Variants in RALYL observed in about 807,000 individuals in gnomAD.
RALYL encodes RALY RNA binding protein like.
RALYL carries 29 observed loss-of-function variants against 35.1 expected under a neutral mutation model. The ratio of observed to expected loss-of-function variants is 0.83; its 90% CI spans 0.61 to 1.13. The LOEUF (loss-of-function observed/expected upper bound fraction) is 1.13, where lower values mean the gene tolerates loss of function less well. Among genes scored for constraint, RALYL ranks in the 50% most tolerant of loss-of-function variants. The pLI, the probability that RALYL is intolerant of heterozygous loss-of-function variation, is 0.00. For missense variants in RALYL, 359 were observed against 360.4 expected (o/e 1.00, Z 0.03); for synonymous variants, 120 against 127.6 (o/e 0.94, Z 0.40).
intron 1 of RALYL, among the ~76,000 whole-genome samples, chr8:84,416,205 T>G (rs2044678888): frequency 6.6e-6 from 1 of 152,218 alleles, no homozygotes; most frequent in South Asian, 2.1e-4. Flanking sequence ...CCAGATGCAA[T>G]TCTAAAAGCT....
intron 2 of RALYL, chr8:84,679,594 C>A: frequency 2.2e-6 from 1 of 453,702 alleles, no homozygotes. Flanking sequence ...CCTGCCTTAT[C>A]TTCTTTGATG....
At chr8:84,405,471 TAAAG>T (rs1481609103) in intron 1 of RALYL, among the ~76,000 whole-genome samples, 1 of 151,114 alleles carries the variant, frequency 6.6e-6, no homozygotes, top group African/African-American at 2.4e-5. Flanking sequence ...GCCAGACTAA[TAAAG>T]AAGAAAAGAG....
intron 2 of RALYL, among the ~76,000 whole-genome samples, chr8:84,569,075 T>G (rs535817930): frequency 5.9e-4 from 90 of 151,300 alleles, no homozygotes; most frequent in African/African-American, 1.1e-3. Context: ...GTCAGTTTTG[T>G]CTTTTGTTGC....
At chr8:84,459,456 A>G (rs550613905) in intron 1 of RALYL, among the ~76,000 whole-genome samples, 7 of 151,934 alleles carry the variant, frequency 4.6e-5, no homozygotes, top group African/African-American at 1.7e-4. Flanking sequence ...TAAAATGGGG[A>G]GGCAACTGGG....
At chr8:84,740,311 T>G in intron 2 of RALYL, among the ~76,000 whole-genome samples, 1 of 151,350 alleles carries the variant, frequency 6.6e-6, no homozygotes, top group Non-Finnish European at 1.5e-5. Flanking sequence ...TGCTGAGAAA[T>G]GAGGAAAAAA....
At chr8:84,658,743 T>G (rs1327738984) in intron 2 of RALYL, among the ~76,000 whole-genome samples, 1 of 152,054 alleles carries the variant, frequency 6.6e-6, no homozygotes, top group Non-Finnish European at 1.5e-5. Context: ...GAAAAACCCA[T>G]GTTGATACTC....
At chr8:84,548,654 A>G (rs989628735) in intron 2 of RALYL, among the ~76,000 whole-genome samples, 2 of 152,158 alleles carry the variant, frequency 1.3e-5, no homozygotes, top group Non-Finnish European at 2.9e-5. Context: ...GGCAGAATAG[A>G]TTTTCTAGCT....
At chr8:84,652,840 T>C (rs1479804104) in intron 2 of RALYL, among the ~76,000 whole-genome samples, 1 of 152,088 alleles carries the variant, frequency 6.6e-6, no homozygotes, top group African/African-American at 2.4e-5. Flanking sequence ...TTCTGAAATG[T>C]CTCATTTGGA....
chr8:84,704,477 ACAC>A (rs200742851), intron 2 of RALYL, among the ~76,000 whole-genome samples: 181 of 133,228 alleles, frequency 1.4e-3, no homozygotes, highest in Middle Eastern at 3.7e-3. Context: ...ACACACACAC[ACAC>A]ACAACAACTC....
intron 1 of RALYL, among the ~76,000 whole-genome samples, chr8:84,190,258 A>C (rs1248573441): frequency 6.6e-6 from 1 of 152,204 alleles, no homozygotes; most frequent in African/African-American, 2.4e-5. Flanking sequence ...TCACAATTTT[A>C]CTGTTACACA....
intron 2 of RALYL, among the ~76,000 whole-genome samples, chr8:84,684,654 A>G (rs1339305152): frequency 6.6e-6 from 1 of 152,212 alleles, no homozygotes; most frequent in Non-Finnish European, 1.5e-5. Flanking sequence ...TGAGGCTGGA[A>G]AGGTATGCAG....
At chr8:84,682,426 T>C (rs758080590) in intron 2 of RALYL, among the ~76,000 whole-genome samples, 10 of 152,214 alleles carry the variant, frequency 6.6e-5, no homozygotes, top group Non-Finnish European at 1.2e-4. Context: ...TACTAGCTTT[T>C]CCTTTTACCT....
chr8:84,270,370 A>G (rs1834066698), intron 1 of RALYL, among the ~76,000 whole-genome samples: 1 of 152,178 alleles, frequency 6.6e-6, no homozygotes, highest in Non-Finnish European at 1.5e-5. Context: ...ACACAAGACA[A>G]AGGCAAATAT....
chr8:84,198,512 A>G (rs1480469831), intron 1 of RALYL, among the ~76,000 whole-genome samples: 1 of 152,220 alleles, frequency 6.6e-6, no homozygotes, highest in Non-Finnish European at 1.5e-5. Flanking sequence ...TGTTACAAAC[A>G]ATCCAATGAT....
At chr8:84,592,152 C>A (rs1813444260) in intron 2 of RALYL, among the ~76,000 whole-genome samples, 1 of 152,088 alleles carries the variant, frequency 6.6e-6, no homozygotes, top group African/African-American at 2.4e-5. Flanking sequence ...CCATAAAACC[C>A]AATTTCCAAA....
chr8:84,704,271 A>C lies in RALYL; in HGVS notation c.257-70308A>C, dbSNP rs1232002971. Among the ~76,000 whole-genome samples, 5 of 152,204 alleles carry C rather than the reference A, an allele frequency of 3.3e-5. No individual in the cohort carries two copies. The East Asian group carries it at 9.7e-4, about 29-fold the overall frequency. On this transcript the variant is annotated intron_variant, in intron 2 of 8. Coordinates refer to ENST00000521268, the MANE Select transcript of RALYL (RefSeq NM_173848.7). ...GAAACCCTGTCTCTACCAAAAATAT[A>C]AAAATTAGCTGGGCGTGGTGGCAGG... is the stretch of plus-strand genomic sequence containing the variant.
intron 2 of RALYL, among the ~76,000 whole-genome samples, chr8:84,744,603 A>T (rs1440035622): frequency 6.6e-6 from 1 of 151,992 alleles, no homozygotes; most frequent in Admixed American, 6.6e-5. Context: ...TGTATTACTC[A>T]AGTATTGTTT....
At chr8:84,795,710 G>C (rs1161757332) in intron 3 of RALYL, among the ~76,000 whole-genome samples, 1 of 152,122 alleles carries the variant, frequency 6.6e-6, no homozygotes, top group Non-Finnish European at 1.5e-5. Context: ...TCCTGTGGCA[G>C]ACATAGGTTA....
At chr8:84,771,427 G>T (rs866095287) in intron 2 of RALYL, among the ~76,000 whole-genome samples, 5 of 152,120 alleles carry the variant, frequency 3.3e-5, no homozygotes, top group Middle Eastern at 3.4e-3. Flanking sequence ...GTACTTCCTG[G>T]ATCACAGAGT....
Sources: allele counts gnomAD v4.1 joint callset (sites outside exome capture counted in the v4.1 genomes callset), GRCh38; gene constraint gnomAD v4.1.1; transcripts MANE v1.5; gene names NCBI Gene and HGNC (gene_info 2026-07-23, HGNC 2026-07-21).